ADGRB3: variants seen among roughly 807,000 people sequenced by gnomAD.
ADGRB3 encodes the protein brain-specific angiogenesis inhibitor 3.
A neutral mutation model predicts 193.4 loss-of-function variants in ADGRB3; 37 were observed. The ratio of observed to expected loss-of-function variants is 0.19; its 90% CI spans 0.15 to 0.25. ADGRB3 has a LOEUF of 0.25. Ranked by LOEUF, ADGRB3 falls within the 10% of genes least tolerant of loss-of-function variation. The probability of loss-of-function intolerance (pLI) is 1.00; values close to 1 mark genes in which losing one functional copy is unlikely to be tolerated. For missense variants in ADGRB3, 1,637 were observed against 1,852.9 expected (o/e 0.88, Z 2.14); for synonymous variants, 690 against 644.2 (o/e 1.07, Z -1.08).
chr6:69,311,748 C>T (rs1448912149), intron 20 of ADGRB3, among the ~76,000 whole-genome samples: 6 of 151,500 alleles, frequency 4.0e-5, no homozygotes, highest in Non-Finnish European at 7.4e-5. Flanking sequence ...AATTTCAGTC[C>T]TTCTCATGTG....
At chr6:69,135,717 G>A (rs577935199) in intron 17 of ADGRB3, among the ~76,000 whole-genome samples, 3 of 152,098 alleles carry the variant, frequency 2.0e-5, no homozygotes, top group African/African-American at 7.2e-5. Flanking sequence ...AGCAACTTAT[G>A]TTTTTTGACT....
intron 10 of ADGRB3, among the ~76,000 whole-genome samples, chr6:68,980,860 G>C (rs958604630): frequency 6.6e-6 from 1 of 151,452 alleles, no homozygotes; most frequent in African/African-American, 2.4e-5. Context: ...ACCTAAATCA[G>C]TAGTTCTTAA....
At chr6:68,939,522 G>GA (rs1247898013) in intron 5 of ADGRB3, among the ~76,000 whole-genome samples, 2 of 151,882 alleles carry the variant, frequency 1.3e-5, no homozygotes, top group African/African-American at 4.8e-5. Flanking sequence ...TTGAAGTAAA[G>GA]AAAATGAGAA....
At chr6:69,202,763 G>T (rs1452177020) in intron 17 of ADGRB3, among the ~76,000 whole-genome samples, 1 of 152,116 alleles carries the variant, frequency 6.6e-6, no homozygotes, top group Non-Finnish European at 1.5e-5. Context: ...GGGCATTTGA[G>T]AAATCAGATA....
intron 20 of ADGRB3, among the ~76,000 whole-genome samples, chr6:69,280,197 A>G (rs1767406465): frequency 6.6e-6 from 1 of 152,234 alleles, no homozygotes; most frequent in Non-Finnish European, 1.5e-5. Flanking sequence ...TGGAAGCCCA[A>G]GGCCAGATGG....
intron 31 of ADGRB3, among the ~76,000 whole-genome samples, chr6:69,386,494 G>A (rs187925571): frequency 6.6e-6 from 1 of 152,200 alleles, no homozygotes; most frequent in East Asian, 1.9e-4. Context: ...GATGTTTGAT[G>A]ATTCAGGTCT....
intron 3 of ADGRB3, among the ~76,000 whole-genome samples, chr6:68,910,279 T>G (rs1325202252): frequency 6.6e-6 from 1 of 152,234 alleles, no homozygotes; most frequent in East Asian, 1.9e-4. Flanking sequence ...TTAATTTGTT[T>G]GAGTTCATTG....
At chr6:68,940,547 C>CTTTTTTTTTTTTTTTTTTTTT in intron 5 of ADGRB3, among the ~76,000 whole-genome samples, 7 of 69,214 alleles carry the variant, frequency 1.0e-4, no homozygotes, top group Admixed American at 2.0e-4. Flanking sequence ...TGCTTTTGAA[C>CTTTTTTTTTTTTTTTTTTTTT]TTTTTTTTTT....
intron 23 of ADGRB3, chr6:69,332,423 CA>C: frequency 2.0e-6 from 2 of 985,392 alleles, no homozygotes; most frequent in Non-Finnish European, 2.4e-6. Context: ...TCCCCTTCCA[CA>C]GAAAAGAATA....
chr6:69,073,336 G>A (rs1286031920), intron 16 of ADGRB3, among the ~76,000 whole-genome samples: 5 of 152,118 alleles, frequency 3.3e-5, no homozygotes, highest in Admixed American at 3.3e-4. Context: ...CTACCAGTGG[G>A]GCCCAGCAAG....
intron 3 of ADGRB3, among the ~76,000 whole-genome samples, chr6:68,926,978 C>A (rs1377181948): frequency 6.6e-6 from 1 of 151,942 alleles, no homozygotes. Context: ...ATCTGACTTC[C>A]AGAGCCTATT....
rs528510956 is a variant in ADGRB3 at position 69,131,962 on chromosome 6, G to A, written c.2480+55924G>A. Among the ~76,000 whole-genome samples, 60 of 152,024 alleles carry A rather than the reference G, an allele frequency of 3.9e-4. No individual in the cohort carries two copies. The South Asian group carries it at 9.3e-3, about 24-fold the overall frequency. On this transcript the variant is annotated intron_variant, in intron 17 of 31. Coordinates refer to ENST00000370598, the MANE Select transcript of ADGRB3 (RefSeq NM_001704.3). ...CCCTGCAAAGGACATGAACTCATCC[G>A]TTTTTATGGCTGCATAGTATTCCAT...
At chr6:69,072,899 G>C (rs2150311517) in intron 16 of ADGRB3, among the ~76,000 whole-genome samples, 1 of 152,262 alleles carries the variant, frequency 6.6e-6, no homozygotes, top group Middle Eastern at 3.4e-3. Context: ...GGTAAGACTG[G>C]ACAGGATCTT....
At chr6:69,131,726 A>G (rs1004458353) in intron 17 of ADGRB3, among the ~76,000 whole-genome samples, 2 of 152,010 alleles carry the variant, frequency 1.3e-5, no homozygotes, top group Non-Finnish European at 2.9e-5. Flanking sequence ...TGCTACACCC[A>G]TCGACCTGTT....
At chr6:68,681,002 C>A (rs991918764) in intron 3 of ADGRB3, among the ~76,000 whole-genome samples, 1 of 152,016 alleles carries the variant, frequency 6.6e-6, no homozygotes, top group Non-Finnish European at 1.5e-5. Context: ...CAAGCTGTAC[C>A]AGAAGCATGA....
chr6:69,123,134 A>G (rs535776595), intron 17 of ADGRB3, among the ~76,000 whole-genome samples: 32 of 152,216 alleles, frequency 2.1e-4, no homozygotes, highest in South Asian at 6.2e-4. Context: ...TTGAGGAGCT[A>G]TTATGGTCTA....
At chr6:69,275,706 CATT>C (rs1231388973) in intron 20 of ADGRB3, among the ~76,000 whole-genome samples, 1 of 151,114 alleles carries the variant, frequency 6.6e-6, no homozygotes, top group African/African-American at 2.4e-5. Flanking sequence ...AAAAAAAAAA[CATT>C]ATATATCAAA....
At chr6:69,106,674 A>G (rs1332976196) in intron 17 of ADGRB3, among the ~76,000 whole-genome samples, 1 of 152,242 alleles carries the variant, frequency 6.6e-6, no homozygotes, top group Non-Finnish European at 1.5e-5. Context: ...CTGAAAAGGC[A>G]CTTTCCCCAA....
At chr6:68,693,064 T>C (rs1046901348) in intron 3 of ADGRB3, among the ~76,000 whole-genome samples, 5 of 151,778 alleles carry the variant, frequency 3.3e-5, no homozygotes, top group Non-Finnish European at 7.4e-5. Context: ...TGTCTTGCAA[T>C]TTAGAACACT....
Sources: allele counts gnomAD v4.1 joint callset (sites outside exome capture counted in the v4.1 genomes callset), GRCh38; gene constraint gnomAD v4.1.1; transcripts MANE v1.5; gene names NCBI Gene and HGNC (gene_info 2026-07-23, HGNC 2026-07-21).